Variants in ARHGAP10 observed in about 807,000 individuals in gnomAD.
ARHGAP10 encodes the protein rho GTPase-activating protein 10.
Under a neutral mutation model 108.6 loss-of-function variants are expected in ARHGAP10, and 87 were observed. The observed-to-expected ratio is 0.80, with a 90% CI of 0.67 to 0.96. The LOEUF is 0.96. ARHGAP10 is among the 40% of genes least tolerant of loss of function. ARHGAP10 has a pLI of 0.00. For synonymous variants in ARHGAP10, 347 were observed against 341.1 expected, an observed-to-expected ratio of 1.02 and a Z score of -0.19; for missense variants, 939 against 954.5, an observed-to-expected ratio of 0.98 and a Z score of 0.21.
At chr4:147,873,591 T>C (rs561557343) in intron 7 of ARHGAP10, among the ~76,000 whole-genome samples, 71 of 151,494 alleles carry the variant, frequency 4.7e-4, no homozygotes, top group African/African-American at 1.6e-3. Flanking sequence ...TGTGGGAGGC[T>C]GAAGCGGGTA....
intron 19 of ARHGAP10, among the ~76,000 whole-genome samples, chr4:148,043,614 A>AATATATATATATATATAT (rs57931206): frequency 0.029 from 1,590 of 54,510 alleles, 48 homozygotes; most frequent in Non-Finnish European, 0.042. Context: ...CCCTCTCTCT[A>AATATATATATATATATAT]ATATATATAT....
At chr4:147,964,936 TG>T (rs1739148659) in intron 16 of ARHGAP10, 87 bp from the exon 17 acceptor site, 1 of 894,790 alleles carries the variant, frequency 1.1e-6, no homozygotes, top group Admixed American at 3.4e-5. Context: ...GTCATTGTCT[TG>T]GGAAATATAT....
rs112095776 is a variant in ARHGAP10, at chr4:147,741,792, G to GCACACACACACACACA, written c.154+9359_154+9374dup. On this transcript the variant is annotated intron_variant, in intron 1 of 22. Transcript: ENST00000336498. ...TACACACACACACACACACACACAC[G>GCACACACACACACACA]CACACACACACACACACACACACAC... is the stretch of plus-strand genomic sequence containing the variant. Among the ~76,000 whole-genome samples the GCACACACACACACACA allele has an allele frequency of 1.0e-4, 6 of 57,576 alleles. 1 individual carries two copies. Among genetic ancestry groups the GCACACACACACACACA allele is most frequent in the African/African-American group, 2.1e-4 (6 of 29,082 alleles). The allele number at this position is 57,576 out of a possible 152,430, so 37.8% of individuals were successfully genotyped here. A position where few individuals can be genotyped will look rare whatever the true frequency, so the allele number is the denominator to read the frequency against.
intron 1 of ARHGAP10, among the ~76,000 whole-genome samples, chr4:147,757,190 C>CTTTTT (rs763282506): frequency 6.1e-5 from 7 of 115,620 alleles, no homozygotes; most frequent in African/African-American, 1.0e-4. Context: ...ACAGTCTAGC[C>CTTTTT]TTTTTTTTTT....
At chr4:147,860,546 A>C (rs185863100) in intron 5 of ARHGAP10, among the ~76,000 whole-genome samples, 2 of 152,162 alleles carry the variant, frequency 1.3e-5, no homozygotes, top group Non-Finnish European at 2.9e-5. Flanking sequence ...CTATACCTCT[A>C]TGTTTATTGG....
At chr4:147,757,419 C>T (rs1377991650) in intron 1 of ARHGAP10, among the ~76,000 whole-genome samples, 1 of 152,100 alleles carries the variant, frequency 6.6e-6, no homozygotes, top group African/African-American at 2.4e-5. Context: ...TGGTCTTGAA[C>T]TCCTGAGCTC....
intron 1 of ARHGAP10, 56 bp downstream of exon 1, chr4:147,732,511 CCTCT>C: frequency 3.1e-6 from 5 of 1,598,344 alleles, no homozygotes; most frequent in Non-Finnish European, 4.3e-6. Context: ...GCTGGGGGAG[CCTCT>C]CTCGGCAGGA....
At chr4:147,960,852 C>G (rs1163999393) in intron 16 of ARHGAP10, among the ~76,000 whole-genome samples, 1 of 152,158 alleles carries the variant, frequency 6.6e-6, no homozygotes, top group African/African-American at 2.4e-5. Context: ...TATCTGGTTT[C>G]TTTTGCTCAT....
chr4:147,801,568 C>T (rs369650639), intron 1 of ARHGAP10, among the ~76,000 whole-genome samples: 2 of 152,020 alleles, frequency 1.3e-5, no homozygotes. Context: ...AATAACATAC[C>T]GTCTGTTTTT....
chr4:148,046,906 C>T lies in ARHGAP10; in HGVS notation c.1882C>T (p.Pro628Ser), dbSNP rs569776070. ...TTTCCTCCTAGGTGACAATCCTTAC[C>T]CTTCCAAGGAGGACACCCCTACCAG... ...LELEDGDNPYPSKEDTPTSSL... is the reference protein window; with the variant it reads ...LELEDGDNPYSSKEDTPTSSL... The change falls in exon 20 of 23, where the codon CCT becomes TCT. Residue 628 changes from proline to serine, a missense_variant. Pro to Ser is a moderately conservative substitution (Grantham distance 74, BLOSUM62 -1). Coordinates refer to ENST00000336498, the MANE Select transcript of ARHGAP10 (RefSeq NM_024605.4). 7.4e-6 allele frequency: 12 copies of T among 1,613,664 alleles called. No homozygotes were observed. In the East Asian group the frequency reaches 2.0e-4, roughly 27 times the overall value.
intron 18 of ARHGAP10, among the ~76,000 whole-genome samples, chr4:148,003,402 T>C (rs1474530058): frequency 6.6e-6 from 1 of 152,144 alleles, no homozygotes; most frequent in Non-Finnish European, 1.5e-5. Flanking sequence ...TCGATTTGGG[T>C]TGGAGAGTTC....
chr4:147,988,852 T>A (rs1178113009), intron 18 of ARHGAP10, among the ~76,000 whole-genome samples: 1 of 152,188 alleles, frequency 6.6e-6, no homozygotes, highest in African/African-American at 2.4e-5. Context: ...TTTCCCCACC[T>A]GGGGCCAGCC....
At chr4:147,965,206 G>A in intron 17 of ARHGAP10, 77 bp downstream of exon 17, 1 of 1,098,128 alleles carries the variant, frequency 9.1e-7, no homozygotes, top group Admixed American at 2.6e-5. Context: ...TTTGTGACGG[G>A]TGGAACTGGG....
intron 1 of ARHGAP10, among the ~76,000 whole-genome samples, chr4:147,732,828 C>T (rs917785617): frequency 1.3e-5 from 2 of 152,248 alleles, no homozygotes; most frequent in Non-Finnish European, 1.5e-5. Context: ...CTCACAATCT[C>T]TTACAAAACC....
At chr4:147,895,468 A>G (rs1735955323) in intron 10 of ARHGAP10, among the ~76,000 whole-genome samples, 1 of 147,862 alleles carries the variant, frequency 6.8e-6, no homozygotes, top group African/African-American at 2.5e-5. Flanking sequence ...GCTCAGGGTT[A>G]GAGACCAGCC....
chr4:148,043,029 A>C (rs1461557414), intron 19 of ARHGAP10, among the ~76,000 whole-genome samples: 2 of 152,140 alleles, frequency 1.3e-5, no homozygotes, highest in Admixed American at 6.6e-5. Context: ...AAGGCTTCCC[A>C]AGACCAAGAC....
intron 18 of ARHGAP10, among the ~76,000 whole-genome samples, chr4:148,002,146 C>T (rs1740747085): frequency 6.6e-6 from 1 of 152,074 alleles, no homozygotes; most frequent in African/African-American, 2.4e-5. Context: ...TTGTCAAAGA[C>T]CTTTTTTGCA....
intron 18 of ARHGAP10, among the ~76,000 whole-genome samples, chr4:147,969,090 A>AG (rs1252612382): frequency 6.6e-6 from 1 of 152,112 alleles, no homozygotes; most frequent in Non-Finnish European, 1.5e-5. Context: ...ATACATTTTG[A>AG]GGGGGTTGAA....
At chr4:147,922,240 AAGGG>A (rs1469353796) in intron 13 of ARHGAP10, among the ~76,000 whole-genome samples, 2 of 151,928 alleles carry the variant, frequency 1.3e-5, no homozygotes, top group Non-Finnish European at 2.9e-5. Flanking sequence ...ATGGAGAGTG[AAGGG>A]AGGGAGGGAG....
Sources: allele counts gnomAD v4.1 joint callset (sites outside exome capture counted in the v4.1 genomes callset), GRCh38; gene constraint gnomAD v4.1.1; transcripts MANE v1.5; gene names NCBI Gene and HGNC (gene_info 2026-07-23, HGNC 2026-07-21).